The following NOL4 variants were observed in gnomAD, a reference collection of about 807,000 sequenced individuals.
The protein encoded by NOL4 is cancer/testis antigen 125.
A neutral mutation model predicts 75.9 loss-of-function variants in NOL4; 17 were observed. The observed-to-expected ratio is 0.22, with a 90% CI of 0.15 to 0.34. The LOEUF (loss-of-function observed/expected upper bound fraction) is 0.34. Ranked by LOEUF, NOL4 falls within the 10% of genes least tolerant of loss-of-function variation. The pLI is 1.00. For missense variants in NOL4, 614 were observed against 793.5 expected, an observed-to-expected ratio of 0.77 and a Z score of 2.72; for synonymous variants, 292 against 289.9, an observed-to-expected ratio of 1.01 and a Z score of -0.07.
intron 1 of NOL4, among the ~76,000 whole-genome samples, chr18:34,130,619 C>A (rs563162912): frequency 2.0e-5 from 3 of 151,942 alleles, no homozygotes; most frequent in Non-Finnish European, 4.4e-5. Flanking sequence ...ATATTTTGTG[C>A]AAATCACTTA....
intron 6 of NOL4, among the ~76,000 whole-genome samples, chr18:33,986,287 T>G (rs949703782): frequency 1.3e-5 from 2 of 152,150 alleles, no homozygotes; most frequent in Admixed American, 1.3e-4. Flanking sequence ...ATAATATTGT[T>G]TTATTTTACA....
chr18:33,879,783 C>CT (rs199652135), intron 10 of NOL4, among the ~76,000 whole-genome samples: 9,614 of 147,184 alleles, frequency 0.065, 353 homozygotes, highest in Middle Eastern at 0.13. Flanking sequence ...TTATTGGCAA[C>CT]TTTTTTTTTT....
intron 1 of NOL4, among the ~76,000 whole-genome samples, chr18:34,137,315 A>G (rs2080932504): frequency 6.6e-6 from 1 of 152,174 alleles, no homozygotes; most frequent in South Asian, 2.1e-4. Flanking sequence ...TAAAATGTTT[A>G]TGATGCAAAT....
chr18:33,964,078 A>G (rs984481012), intron 6 of NOL4, among the ~76,000 whole-genome samples: 3 of 152,200 alleles, frequency 2.0e-5, no homozygotes, highest in African/African-American at 7.2e-5. Context: ...ATCGTAAGGT[A>G]TCATGCAAAC....
At chr18:33,999,964 A>G (rs2073577461) in intron 6 of NOL4, among the ~76,000 whole-genome samples, 1 of 152,036 alleles carries the variant, frequency 6.6e-6, no homozygotes. Flanking sequence ...ACAACTTTTA[A>G]TTGATAATTT....
In NOL4 at chr18:33,922,154, C is replaced by T. The variant is rs1176992297; in HGVS notation, c.1542+20911G>A. ...AGAGAAGACCCATAATTATGAGACA[C>T]TCAATCAACCATATGTAAACTTAGC... On this transcript the variant is annotated intron_variant, in intron 9 of 10. Transcript: ENST00000261592. 2.6e-5 allele frequency among the ~76,000 whole-genome samples: 4 copies of T among 152,298 alleles called. No homozygotes were observed. The East Asian group carries it at 7.7e-4, about 29-fold the overall frequency.
chr18:34,220,358 G>A (rs2037213155), intron 1 of NOL4, among the ~76,000 whole-genome samples: 1 of 152,124 alleles, frequency 6.6e-6, no homozygotes, highest in African/African-American at 2.4e-5. Flanking sequence ...CAGGAGCAAA[G>A]CATCTCTTAC....
chr18:34,119,771 G>A (rs1008803095), intron 2 of NOL4, among the ~76,000 whole-genome samples: 12 of 152,048 alleles, frequency 7.9e-5, no homozygotes, highest in East Asian at 7.8e-4. Flanking sequence ...ACAGGCGCCC[G>A]CCACCACGCC....
intron 6 of NOL4, among the ~76,000 whole-genome samples, chr18:34,017,615 AAT>A (rs1379236900): frequency 6.6e-6 from 1 of 152,200 alleles, no homozygotes; most frequent in Non-Finnish European, 1.5e-5. Context: ...TAATAAAAAT[AAT>A]ATCTCTTGAT....
intron 6 of NOL4, among the ~76,000 whole-genome samples, chr18:33,984,361 T>C (rs1218842223): frequency 2.0e-5 from 3 of 152,076 alleles, no homozygotes; most frequent in East Asian, 3.9e-4. Context: ...GGTTGGTGCA[T>C]GAGAATTTGC....
At chr18:33,982,514 A>G (rs187775178) in intron 6 of NOL4, among the ~76,000 whole-genome samples, 239 of 152,268 alleles carry the variant, frequency 1.6e-3, no homozygotes, top group African/African-American at 4.9e-3. Flanking sequence ...AAGACAGAAC[A>G]ATCTGTATTG....
intron 6 of NOL4, among the ~76,000 whole-genome samples, chr18:33,999,986 C>A (rs2073579992): frequency 6.6e-6 from 1 of 151,978 alleles, no homozygotes; most frequent in African/African-American, 2.4e-5. Flanking sequence ...TCCTTCTGAG[C>A]CAGAACATAA....
chr18:33,885,545 G>A (rs1189961538), intron 9 of NOL4, among the ~76,000 whole-genome samples: 1 of 152,198 alleles, frequency 6.6e-6, no homozygotes, highest in Admixed American at 6.6e-5. Context: ...ACAACATACA[G>A]ATGGAAAACA....
At chr18:34,030,775 T>A (rs920963928) in intron 5 of NOL4, among the ~76,000 whole-genome samples, 4 of 152,244 alleles carry the variant, frequency 2.6e-5, no homozygotes, top group Admixed American at 2.6e-4. Flanking sequence ...ATTACTCTGA[T>A]CTACTCTACA....
At position 33,902,155 on chromosome 18, in the gene NOL4, G is replaced by C. The variant is rs370851899; in HGVS notation, c.1543-18731C>G. Among the ~76,000 whole-genome samples, 4 of 149,238 alleles carry C rather than the reference G, an allele frequency of 2.7e-5. No homozygotes were observed. The East Asian group carries it at 7.8e-4, about 29-fold the overall frequency. ...AAACAATTTTGATGTGATTCAGTTA[G>C]TTTTTTTTTTAAAAGGGAATTATTT... On this transcript the variant is annotated intron_variant, in intron 9 of 10. Transcript: ENST00000261592.
chr18:33,947,010 A>G (rs1392620919), intron 8 of NOL4, among the ~76,000 whole-genome samples: 1 of 151,694 alleles, frequency 6.6e-6, no homozygotes, highest in African/African-American at 2.4e-5. Context: ...TAATGAGCCA[A>G]TAATAAATGC....
intron 1 of NOL4, among the ~76,000 whole-genome samples, chr18:34,190,038 T>A (rs2034797385): frequency 6.7e-6 from 1 of 148,844 alleles, no homozygotes; most frequent in South Asian, 2.1e-4. Context: ...ACATATTATT[T>A]TATATATATT....
chr18:34,111,196 A>G (rs1174714712), intron 2 of NOL4, among the ~76,000 whole-genome samples: 2 of 152,220 alleles, frequency 1.3e-5, no homozygotes, highest in Non-Finnish European at 2.9e-5. Context: ...GTGTGTGCAC[A>G]CATAGAATGT....
chr18:34,129,596 A>G (rs904246894), intron 2 of NOL4, among the ~76,000 whole-genome samples: 2 of 151,460 alleles, frequency 1.3e-5, no homozygotes, highest in African/African-American at 4.8e-5. Flanking sequence ...AATATATAAT[A>G]TATGTCCCCA....
Sources: gnomAD v4.1 joint callset for allele counts (sites outside exome capture counted in the v4.1 genomes callset) on GRCh38, gnomAD v4.1.1 for gene constraint, MANE v1.5 for transcripts, NCBI Gene and HGNC (gene_info 2026-07-23, HGNC 2026-07-21) for gene names.